The following NPAS2 variants were observed in gnomAD, a reference collection of about 807,000 sequenced individuals.
NPAS2 encodes the protein neuronal PAS domain-containing protein 2.
In NPAS2, 23 loss-of-function variants were observed where a neutral mutation model predicts 107.5. The observed-to-expected ratio is 0.21, with a 90% CI of 0.15 to 0.30. NPAS2 has a LOEUF of 0.30. Ranked by LOEUF, NPAS2 falls within the 10% of genes least tolerant of loss-of-function variation. The probability of loss-of-function intolerance (pLI) is 1.00; values close to 1 mark genes in which losing one functional copy is unlikely to be tolerated. For synonymous variants in NPAS2, 403 were observed against 417.5 expected (o/e 0.97, Z 0.42); for missense variants, 756 against 1,043.3 (o/e 0.72, Z 3.79).
At chr2:100,834,586 A>C (rs1287983148) in intron 1 of NPAS2, among the ~76,000 whole-genome samples, 1 of 152,188 alleles carries the variant, frequency 6.6e-6, no homozygotes, top group Non-Finnish European at 1.5e-5. Context: ...AGTGCTTCTC[A>C]TGTATGCCAG....
At chr2:100,917,476 C>T (rs1015591573) in intron 2 of NPAS2, among the ~76,000 whole-genome samples, 5 of 151,862 alleles carry the variant, frequency 3.3e-5, no homozygotes, top group Non-Finnish European at 5.9e-5. Context: ...TGCAGTGAGC[C>T]GAGATCGTGC....
chr2:100,893,537 T>A (rs1013079896), intron 1 of NPAS2, among the ~76,000 whole-genome samples: 6 of 152,226 alleles, frequency 3.9e-5, no homozygotes, highest in African/African-American at 1.4e-4. Flanking sequence ...TGTGAAAACA[T>A]AGGCCTTGCA....
chr2:100,947,640 G>T (rs1674984527), intron 5 of NPAS2, among the ~76,000 whole-genome samples: 1 of 151,952 alleles, frequency 6.6e-6, no homozygotes, highest in Non-Finnish European at 1.5e-5. Flanking sequence ...AGTGGCTCCT[G>T]TTACGGGCAG....
chr2:100,870,050 G>A (rs1679484392), intron 1 of NPAS2, among the ~76,000 whole-genome samples: 1 of 151,952 alleles, frequency 6.6e-6, no homozygotes, highest in African/African-American at 2.4e-5. Flanking sequence ...GACTACAGGT[G>A]TCTGCGACCA....
chr2:100,975,600 G>A (rs1224700080), intron 14 of NPAS2, 33 bp downstream of exon 14: 2 of 1,503,800 alleles, frequency 1.3e-6, no homozygotes, highest in Admixed American at 1.8e-5. Context: ...CTCCACGGGT[G>A]TACGCTACAA....
At position 100,990,459 on chromosome 2, in the gene NPAS2, C is replaced by T; in HGVS notation, c.2018+13C>T. 3 of 1,613,650 alleles carry T rather than the reference C, an allele frequency of 1.9e-6. No homozygotes were observed. The highest frequency in any genetic ancestry group is 2.5e-6 in the Non-Finnish European group (3 of 1,179,590). On this transcript the variant is annotated intron_variant, in intron 18 of 20. Coordinates refer to ENST00000335681, the MANE Select transcript of NPAS2 (RefSeq NM_002518.4). ...ATCGGCAGCTCAGGTACGAGACTGC[C>T]CTTGTTTAAAGGATAACCCAGGCAT...
intron 2 of NPAS2, among the ~76,000 whole-genome samples, chr2:100,920,684 A>T (rs764873635): frequency 2.6e-5 from 4 of 152,212 alleles, no homozygotes; most frequent in Non-Finnish European, 5.9e-5. Context: ...TTCACCTCCC[A>T]TTGCCAAGGG....
intron 1 of NPAS2, among the ~76,000 whole-genome samples, chr2:100,895,910 A>G (rs555493085): frequency 6.6e-6 from 1 of 152,182 alleles, no homozygotes; most frequent in Non-Finnish European, 1.5e-5. Context: ...CCCAGAGTCC[A>G]TTTCTGTTTC....
intron 1 of NPAS2, among the ~76,000 whole-genome samples, chr2:100,850,586 G>A (rs764621335): frequency 5.9e-5 from 9 of 152,144 alleles, no homozygotes; most frequent in African/African-American, 9.7e-5. Context: ...TAAGCAACCC[G>A]TGTGTCTGTC....
chr2:100,831,173 G>A (rs187203608), intron 1 of NPAS2, among the ~76,000 whole-genome samples: 20 of 152,232 alleles, frequency 1.3e-4, no homozygotes, highest in Admixed American at 1.0e-3. Context: ...GGTGATGGCT[G>A]TAATCCCAGC....
chr2:100,990,724 G>C, intron 18 of NPAS2, 56 bp from the exon 19 acceptor site: 1 of 1,480,420 alleles, frequency 6.8e-7, no homozygotes, highest in Non-Finnish European at 9.5e-7. Flanking sequence ...GCCACGACCA[G>C]TGGGTCTGTG....
chr2:100,854,454 A>G (rs1041328819), intron 1 of NPAS2, among the ~76,000 whole-genome samples: 3 of 152,196 alleles, frequency 2.0e-5, no homozygotes, highest in Non-Finnish European at 4.4e-5. Flanking sequence ...TCATGACCCC[A>G]TCCTGAGACA....
At position 100,820,944 on chromosome 2, in the gene NPAS2, C is replaced by A. The variant is rs1463690069; in HGVS notation, c.-23+530C>A. The stretch of plus-strand genomic sequence containing the variant: ...TGGGTGCGGAATCGGTGCCCCCAAC[C>A]CCCGTGTGCGCAGACAGCGTGCAGC... On this transcript the variant is annotated intron_variant, in intron 1 of 20. Transcript: ENST00000335681. The surrounding 1 kb of genome is among the most constrained non-coding windows in gnomAD (Gnocchi z 5.6). 3 of 892,760 alleles carry A rather than the reference C, an allele frequency of 3.4e-6. No homozygotes were observed. The highest frequency in any genetic ancestry group is 3.2e-4 in the Middle Eastern group (1 of 3,090). 55.3% of individuals were successfully genotyped at this position (892,760 alleles called of 1,614,324 possible).
chr2:100,877,761 C>A (rs547634267), intron 1 of NPAS2, among the ~76,000 whole-genome samples: 1 of 152,300 alleles, frequency 6.6e-6, no homozygotes, highest in Non-Finnish European at 1.5e-5. Flanking sequence ...ATCACCGAAG[C>A]AGCTTGGCTT....
At chr2:100,985,459 G>A (rs562174686) in intron 16 of NPAS2, 3 of 152,352 alleles carry the variant, frequency 2.0e-5, no homozygotes, top group East Asian at 1.9e-4. Context: ...GATATACATC[G>A]ATGGGACAGA....
In NPAS2 at chr2:100,873,345, T is replaced by C. The variant is rs1356601736; in HGVS notation, c.-22-31388T>C. On this transcript the variant is annotated intron_variant, in intron 1 of 20. Coordinates refer to ENST00000335681, the MANE Select transcript of NPAS2 (RefSeq NM_002518.4). ...ACACACACACACACACACACACATA[T>C]ATACATACACACATATGTGTATATA... is the stretch of plus-strand genomic sequence containing the variant. Among the ~76,000 whole-genome samples the C allele has an allele frequency of 1.2e-4, 16 of 131,662 alleles. No individual in the cohort carries two copies. In the East Asian group the frequency reaches 1.7e-3, roughly 14 times the overall value. 86.4% of individuals were successfully genotyped at this position (131,662 alleles called of 152,430 possible).
Position 100,995,982 on chromosome 2 carries a change from T to TC in NPAS2, c.*400_*401insC. 7.8e-7 allele frequency: 1 copy of TC among 1,288,652 alleles called. No individual in the cohort carries two copies. The highest frequency in any genetic ancestry group is 1.0e-6 in the Non-Finnish European group (1 of 994,892). 79.8% of individuals were successfully genotyped at this position (1,288,652 alleles called of 1,614,324 possible). ...TTCACGCTCTTGATCGTCTTTCCTT[T>TC]GTATTGGAGAAGGACTGGGTCAGAG... On this transcript the variant is annotated 3_prime_UTR_variant, in exon 21 of 21. Transcript: ENST00000335681.
At chr2:100,970,230 A>G (rs915724185) in intron 11 of NPAS2, among the ~76,000 whole-genome samples, 1 of 152,186 alleles carries the variant, frequency 6.6e-6, no homozygotes, top group Non-Finnish European at 1.5e-5. Context: ...AAGGCTGGGC[A>G]GCACTCACCC....
intron 2 of NPAS2, among the ~76,000 whole-genome samples, chr2:100,914,615 C>A (rs1682758329): frequency 6.6e-6 from 1 of 152,208 alleles, no homozygotes; most frequent in African/African-American, 2.4e-5. Flanking sequence ...TAATTACAGT[C>A]CAGCTCACCC....
Sources: allele counts gnomAD v4.1 joint callset (sites outside exome capture counted in the v4.1 genomes callset), GRCh38; gene constraint gnomAD v4.1.1; non-coding constraint Gnocchi (gnomAD v3.1); transcripts MANE v1.5; gene names NCBI Gene and HGNC (gene_info 2026-07-23, HGNC 2026-07-21).